IL1RAPL2: variants seen among roughly 807,000 people sequenced by gnomAD.
IL1RAPL2 encodes the protein X-linked interleukin-1 receptor accessory protein-like 2.
In IL1RAPL2, 3 loss-of-function variants were observed where a neutral mutation model predicts 44.1. That is an observed-to-expected ratio of 0.07 (90% CI 0.03 to 0.18). IL1RAPL2 has a LOEUF of 0.18. Among genes scored for constraint, IL1RAPL2 ranks in the 10% least tolerant of loss-of-function variants. The pLI is 1.00. For missense variants in IL1RAPL2, 391 were observed against 496.4 expected (o/e 0.79, Z 2.02); for synonymous variants, 181 against 178.8 (o/e 1.01, Z -0.10).
At chrX:105,510,968 G>T (rs1236561901) in intron 6 of IL1RAPL2, among the ~76,000 whole-genome samples, 1 of 111,629 alleles carries the variant, frequency 9.0e-6, no homozygotes, top group Non-Finnish European at 1.9e-5. Context: ...CTTATGAGTA[G>T]GAATGCACTG....
At chrX:104,930,535 G>A (rs1924870803) in intron 2 of IL1RAPL2, among the ~76,000 whole-genome samples, 1 of 112,010 alleles carries the variant, frequency 8.9e-6, no homozygotes, top group African/African-American at 3.2e-5. Context: ...AAAGTAGGTT[G>A]TATTATTATC....
At chrX:104,957,673 G>A (rs2029927343) in intron 2 of IL1RAPL2, among the ~76,000 whole-genome samples, 1 of 112,025 alleles carries the variant, frequency 8.9e-6, no homozygotes, top group South Asian at 3.7e-4. Context: ...TTTTGCTAAA[G>A]TTTATTTTGA....
intron 2 of IL1RAPL2, among the ~76,000 whole-genome samples, chrX:104,685,141 G>A (rs1930961596): frequency 1.8e-5 from 2 of 111,869 alleles, no homozygotes; most frequent in South Asian, 7.6e-4. Flanking sequence ...ACACTCACTT[G>A]TTTGCCAGAT....
chrX:104,607,947 C>T (rs1198952944), intron 1 of IL1RAPL2, among the ~76,000 whole-genome samples: 3 of 111,797 alleles, frequency 2.7e-5, no homozygotes, highest in Admixed American at 9.5e-5. Flanking sequence ...TATTGTGGCA[C>T]AGTTCACAAT....
chrX:104,727,770 T>C (rs1931825770), intron 2 of IL1RAPL2, among the ~76,000 whole-genome samples: 1 of 110,474 alleles, frequency 9.1e-6, no homozygotes, highest in Non-Finnish European at 1.9e-5. Flanking sequence ...TAAATCATTT[T>C]GCAGCAGAAT....
At chrX:105,122,949 A>C (rs1281268245) in intron 2 of IL1RAPL2, among the ~76,000 whole-genome samples, 1 of 111,488 alleles carries the variant, frequency 9.0e-6, no homozygotes, top group Non-Finnish European at 1.9e-5. Context: ...GTTGGTTCAA[A>C]GATAAATATT....
At chrX:104,744,759 T>G (rs1403658044) in intron 2 of IL1RAPL2, among the ~76,000 whole-genome samples, 4 of 111,278 alleles carry the variant, frequency 3.6e-5, no homozygotes, top group African/African-American at 6.5e-5. Context: ...TTTGATTTCT[T>G]TATCTAGATT....
intron 2 of IL1RAPL2, among the ~76,000 whole-genome samples, chrX:104,755,720 A>G (rs1054571022): frequency 9.0e-6 from 1 of 110,547 alleles, no homozygotes; most frequent in Non-Finnish European, 1.9e-5. Flanking sequence ...TCTGAAAAAT[A>G]ATATTGGTCC....
chrX:104,719,816 G>A (rs959018599), intron 2 of IL1RAPL2, among the ~76,000 whole-genome samples: 1 of 111,513 alleles, frequency 9.0e-6, no homozygotes, highest in African/African-American at 3.3e-5. Context: ...ATCTTTGAAT[G>A]TGGATACCAT....
intron 2 of IL1RAPL2, among the ~76,000 whole-genome samples, chrX:104,760,283 T>C (rs1433801309): frequency 2.7e-5 from 3 of 112,243 alleles, no homozygotes; most frequent in Non-Finnish European, 5.6e-5. Flanking sequence ...TTTCATTTCA[T>C]GTAGGTATAT....
chrX:104,948,249 AT>A (rs1925452162), intron 2 of IL1RAPL2, among the ~76,000 whole-genome samples: 1 of 108,652 alleles, frequency 9.2e-6, no homozygotes, highest in African/African-American at 3.4e-5. Context: ...AATGCTTGTG[AT>A]TTTTGCACAT....
At chrX:104,992,252 T>G (rs2030675495) in intron 2 of IL1RAPL2, among the ~76,000 whole-genome samples, 1 of 110,980 alleles carries the variant, frequency 9.0e-6, no homozygotes, top group Non-Finnish European at 1.9e-5. Context: ...ATGATCAGAT[T>G]TGCATTTTAG....
intron 6 of IL1RAPL2, among the ~76,000 whole-genome samples, chrX:105,658,011 T>C (rs1466142232): frequency 2.7e-5 from 3 of 111,129 alleles, no homozygotes; most frequent in African/African-American, 9.8e-5. Flanking sequence ...TCTACTTAAA[T>C]AGATCACATT....
At chrX:105,180,348 AAC>A (rs1556130004) in intron 2 of IL1RAPL2, among the ~76,000 whole-genome samples, 3 of 110,001 alleles carry the variant, frequency 2.7e-5, no homozygotes, top group African/African-American at 1.0e-4. Flanking sequence ...AAAAAACAAA[AAC>A]AAAAACAAAA....
At chrX:105,091,937 T>C (rs2032547579) in intron 2 of IL1RAPL2, among the ~76,000 whole-genome samples, 1 of 111,914 alleles carries the variant, frequency 8.9e-6, no homozygotes. Context: ...TTGTGAGGAA[T>C]TGAGACAATG....
intron 5 of IL1RAPL2, among the ~76,000 whole-genome samples, chrX:105,381,286 A>G (rs1447229554): frequency 9.0e-6 from 1 of 111,205 alleles, no homozygotes; most frequent in African/African-American, 3.3e-5. Flanking sequence ...ACATTTTTCT[A>G]TTATTCTTTT....
intron 6 of IL1RAPL2, among the ~76,000 whole-genome samples, chrX:105,684,456 C>T (rs776282022): frequency 1.1e-3 from 123 of 112,548 alleles, no homozygotes; most frequent in African/African-American, 3.7e-3. Context: ...GTTTGAACTA[C>T]GAGGCAGCAG....
intron 2 of IL1RAPL2, among the ~76,000 whole-genome samples, chrX:104,910,239 C>T (rs184869258): frequency 1.3e-4 from 14 of 111,890 alleles, no homozygotes; most frequent in African/African-American, 4.5e-4. Flanking sequence ...ACCCACTGAC[C>T]TGCGCCCACT....
intron 6 of IL1RAPL2, among the ~76,000 whole-genome samples, chrX:105,490,679 T>A (rs1461986585): frequency 8.9e-6 from 1 of 112,448 alleles, no homozygotes; most frequent in Non-Finnish European, 1.9e-5. Context: ...TCAACTAAAT[T>A]TATGTTTTTT....
Sources: gnomAD v4.1 joint callset for allele counts (sites outside exome capture counted in the v4.1 genomes callset) on GRCh38, gnomAD v4.1.1 for gene constraint, MANE v1.5 for transcripts, NCBI Gene and HGNC (gene_info 2026-07-23, HGNC 2026-07-21) for gene names.